Variants in LDLRAD4 observed in about 807,000 individuals in gnomAD.
The protein encoded by LDLRAD4 is low density lipoprotein receptor class A domain containing 4, also known as low-density lipoprotein receptor class A domain-containing protein 4.
Under a neutral mutation model 17.0 loss-of-function variants are expected in LDLRAD4, and 5 were observed. That is an observed-to-expected ratio of 0.29 (90% CI 0.15 to 0.62). LDLRAD4 has a LOEUF of 0.62. LDLRAD4 is among the 20% of genes least tolerant of loss of function. The pLI, the probability that LDLRAD4 is intolerant of heterozygous loss-of-function variation, is 0.84. For synonymous variants in LDLRAD4, 168 were observed against 171.8 expected (o/e 0.98, Z 0.17); for missense variants, 340 against 424.7 (o/e 0.80, Z 1.75).
At chr18:13,267,489 A>C (rs182433594) in intron 1 of LDLRAD4, among the ~76,000 whole-genome samples, 1 of 152,240 alleles carries the variant, frequency 6.6e-6, no homozygotes, top group Non-Finnish European at 1.5e-5. Context: ...GAAGCTGCCC[A>C]GGGGCATAGC....
chr18:13,313,579 C>A (rs79355310), intron 1 of LDLRAD4, among the ~76,000 whole-genome samples: 1 of 152,234 alleles, frequency 6.6e-6, no homozygotes, highest in African/African-American at 2.4e-5. Context: ...TGCCTTCCCC[C>A]GCCACCGTCC....
chr18:13,554,482 T>G (rs895127616), intron 3 of LDLRAD4, among the ~76,000 whole-genome samples: 1 of 152,140 alleles, frequency 6.6e-6, no homozygotes, highest in African/African-American at 2.4e-5. Flanking sequence ...TTCACCTTTA[T>G]GTAGTCAGGT....
At chr18:13,395,161 T>C (rs936207583) in intron 2 of LDLRAD4, among the ~76,000 whole-genome samples, 1 of 152,022 alleles carries the variant, frequency 6.6e-6, no homozygotes, top group African/African-American at 2.4e-5. Flanking sequence ...GTAGAGATAA[T>C]GGCCAGTGAG....
Position 13,300,941 on chromosome 18 carries a change from C to A in LDLRAD4, c.-383+22753C>A, listed in dbSNP as rs2046559351. Among the ~76,000 whole-genome samples, 1 of 152,244 alleles carries A rather than the reference C, an allele frequency of 6.6e-6. No homozygotes were observed. The highest frequency in any genetic ancestry group is 1.5e-5 in the Non-Finnish European group (1 of 68,054). ...TGGCTGCTTGGCTGTGAGGGCTGAT[C>A]TTCCAGTGCCCGAGTCCCCGCTGTG... On this transcript the variant is annotated intron_variant, in intron 1 of 5. Coordinates refer to ENST00000359446, the Ensembl canonical transcript of LDLRAD4. This position sits in a 1 kb window ranked among gnomAD's most constrained non-coding sequence, Gnocchi z 4.2.
chr18:13,512,011 T>TTATGCATAG (rs1348775394), intron 3 of LDLRAD4, among the ~76,000 whole-genome samples: 1 of 152,252 alleles, frequency 6.6e-6, no homozygotes, highest in East Asian at 1.9e-4. Context: ...CGACATTTCT[T>TTATGCATAG]TATGCATAGA....
chr18:13,376,902 C>T (rs1286647489), intron 1 of LDLRAD4, among the ~76,000 whole-genome samples: 1 of 152,238 alleles, frequency 6.6e-6, no homozygotes, highest in East Asian at 1.9e-4. Flanking sequence ...GGCCGGAGGC[C>T]TCCAGAACAC....
At chr18:13,371,185 G>A (rs1334609390) in intron 1 of LDLRAD4, among the ~76,000 whole-genome samples, 1 of 152,176 alleles carries the variant, frequency 6.6e-6, no homozygotes, top group East Asian at 1.9e-4. Context: ...AGGTGGCTGT[G>A]GGACTGCTGT....
intron 1 of LDLRAD4, among the ~76,000 whole-genome samples, chr18:13,339,447 C>T (rs150836695): frequency 0.014 from 2,083 of 152,140 alleles, 44 homozygotes; most frequent in African/African-American, 0.042. Context: ...GTGATCTGCC[C>T]GCCTTGGCCT....
chr18:13,513,695 C>G (rs1040810131), intron 3 of LDLRAD4, among the ~76,000 whole-genome samples: 2 of 152,156 alleles, frequency 1.3e-5, no homozygotes, highest in Non-Finnish European at 2.9e-5. Context: ...AAGCCTTGGA[C>G]CTATGTTGGG....
intron 4 of LDLRAD4, chr18:13,642,682 T>A: frequency 8.1e-7 from 1 of 1,231,574 alleles, no homozygotes; most frequent in Non-Finnish European, 1.0e-6. Flanking sequence ...CAGGGCTTCC[T>A]CAACCCAGCC....
chr18:13,556,992 G>A (rs1282350636), intron 3 of LDLRAD4, among the ~76,000 whole-genome samples: 1 of 152,134 alleles, frequency 6.6e-6, no homozygotes, highest in Non-Finnish European at 1.5e-5. Flanking sequence ...CTTTCATCTG[G>A]CTTAAGGAGA....
At chr18:13,608,489 ATTT>A (rs1221676848) in intron 3 of LDLRAD4, among the ~76,000 whole-genome samples, 1 of 151,982 alleles carries the variant, frequency 6.6e-6, no homozygotes, top group Non-Finnish European at 1.5e-5. Context: ...CCACTCAGAA[ATTT>A]TTTTCTGAAG....
intron 3 of LDLRAD4, among the ~76,000 whole-genome samples, chr18:13,578,970 C>CACG (rs1471697629): frequency 6.6e-6 from 1 of 151,252 alleles, no homozygotes; most frequent in African/African-American, 2.4e-5. Context: ...GTGGGCAGAT[C>CACG]ACGAGGTCAG....
At chr18:13,354,707 A>C (rs2083239361) in intron 1 of LDLRAD4, among the ~76,000 whole-genome samples, 1 of 152,256 alleles carries the variant, frequency 6.6e-6, no homozygotes, top group Non-Finnish European at 1.5e-5. Context: ...GGATCCATTA[A>C]TGGAGTTAAA....
At chr18:13,345,081 C>G (rs2082603612) in intron 1 of LDLRAD4, among the ~76,000 whole-genome samples, 1 of 152,154 alleles carries the variant, frequency 6.6e-6, no homozygotes, top group Non-Finnish European at 1.5e-5. Context: ...ATTTCTTTCT[C>G]CTGCCTGATT....
intron 3 of LDLRAD4, among the ~76,000 whole-genome samples, chr18:13,542,663 C>T (rs996520952): frequency 7.9e-5 from 12 of 152,242 alleles, no homozygotes; most frequent in Middle Eastern, 3.4e-3. Flanking sequence ...GATAAGGAGG[C>T]GGGGCGGGCG....
intron 1 of LDLRAD4, among the ~76,000 whole-genome samples, chr18:13,305,519 C>T (rs2046860598): frequency 6.6e-6 from 1 of 152,184 alleles, no homozygotes; most frequent in African/African-American, 2.4e-5. Context: ...TGCATATTTT[C>T]ACTGTATTTC....
At chr18:13,348,619 G>A (rs897721802) in intron 1 of LDLRAD4, among the ~76,000 whole-genome samples, 2 of 152,156 alleles carry the variant, frequency 1.3e-5, no homozygotes, top group Admixed American at 6.5e-5. Context: ...GGACATTTAA[G>A]TCTGTAGAGG....
At position 13,441,501 on chromosome 18, in the gene LDLRAD4, T is replaced by C. The variant is rs967333330; in HGVS notation, c.181+3117T>C. ...TGATCTATGTCACCTTGTTCCCACC[T>C]GGGGGATATACTCAGTGTTCCGGAT... On this transcript the variant is annotated intron_variant, in intron 3 of 5. Transcript: ENST00000359446. Among the ~76,000 whole-genome samples, 33 of 152,210 alleles carry C rather than the reference T, an allele frequency of 2.2e-4. 1 individual carries two copies. Among genetic ancestry groups the C allele is most frequent in the African/African-American group, 6.8e-4 (28 of 41,458 alleles).
Sources: gnomAD v4.1 joint callset for allele counts (sites outside exome capture counted in the v4.1 genomes callset) on GRCh38, gnomAD v4.1.1 for gene constraint, Gnocchi (gnomAD v3.1) non-coding constraint, MANE v1.5 for transcripts, NCBI Gene and HGNC (gene_info 2026-07-23, HGNC 2026-07-21) for gene names.